Variants in ITIH1 observed in about 807,000 individuals in gnomAD.
ITIH1 encodes the protein inter-alpha-trypsin inhibitor heavy chain H1.
In ITIH1, 94 loss-of-function variants were observed where a neutral mutation model predicts 104.6. The observed-to-expected ratio is 0.90, with a 90% CI of 0.76 to 1.07. The LOEUF (loss-of-function observed/expected upper bound fraction) is 1.07, where lower values mean the gene tolerates loss of function less well. Ranked by LOEUF, ITIH1 falls within the 50% of genes least tolerant of loss-of-function variation. The pLI is 0.00. For synonymous variants in ITIH1, 455 were observed against 464.4 expected, an observed-to-expected ratio of 0.98 and a Z score of 0.26; for missense variants, 1,193 against 1,181.4, an observed-to-expected ratio of 1.01 and a Z score of -0.14.
At chr3:52,788,109 C>A in intron 17 of ITIH1, 43 bp downstream of exon 17, 6 of 1,550,494 alleles carry the variant, frequency 3.9e-6, no homozygotes, top group African/African-American at 1.4e-5. Flanking sequence ...TGTTTGGGAC[C>A]CACCCTATCT....
rs1342846879 is a variant in ITIH1 at position 52,779,610 on chromosome 3, C to T, written c.573+16C>T. ...TCATTTTGAGGTAGATCACAGGTCC[C>T]GGGGCAGGGGTCCTGCCCCTCTCTC... is the stretch of plus-strand genomic sequence containing the variant. On this transcript the variant is annotated intron_variant, in intron 5 of 21. Coordinates refer to ENST00000273283, the MANE Select transcript of ITIH1 (RefSeq NM_002215.4). This position sits in a 1 kb window ranked among gnomAD's most constrained non-coding sequence, Gnocchi z 4.4. The T allele has an allele frequency of 2.0e-5, 33 of 1,613,872 alleles. No individual in the cohort carries two copies. Among genetic ancestry groups the T allele is most frequent in the Middle Eastern group, 1.7e-4 (1 of 6,046 alleles).
chr3:52,782,129 C>T (rs771662586), intron 7 of ITIH1, 22 bp from the exon 8 acceptor site: 3 of 1,614,150 alleles, frequency 1.9e-6, no homozygotes, highest in Admixed American at 1.7e-5. Context: ...AGAGTGGCCT[C>T]ACTCGTTCTC....
chr3:52,778,769 G>C (rs77833902), intron 3 of ITIH1, 173 bp from the exon 4 acceptor site: 45 of 1,185,248 alleles, frequency 3.8e-5, no homozygotes, highest in Middle Eastern at 2.9e-4. Context: ...CTTCTTGCTG[G>C]CCTCTGACCT....
At position 52,779,461 on chromosome 3, in the gene ITIH1, C is replaced by T. The variant is rs149261777; in HGVS notation, c.440C>T (p.Thr147Ile). Residue 147 changes from threonine (T) to isoleucine (I), a missense_variant, in exon 5 of 22, where the codon ACC becomes ATC. Thr to Ile is a moderately conservative substitution (Grantham distance 89, BLOSUM62 -1). Transcript: ENST00000273283. The surrounding 1 kb of genome is among the most constrained non-coding windows in gnomAD (Gnocchi z 4.4). ...TCGGGGAGAACTATGGAGCAATTCA[C>T]CATCCACCTCACCGTCAATCCCCAG... ...RASGRTMEQF[T>I]IHLTVNPQSK... 1.1e-5 allele frequency: 17 copies of T among 1,614,254 alleles called. No individual in the cohort carries two copies. In the African/African-American group the frequency reaches 2.3e-4, roughly 22 times the overall value.
rs1285243170 is a variant in ITIH1, at chr3:52,790,729, TC to T, written c.2322-19del. On this transcript the variant is annotated intron_variant, in intron 19 of 21. Transcript: ENST00000273283. ...ATGCAGTGCAGCCGCACCTGCCCTC[TC>T]GGCCACCTGGCTCTGCAGGGTGGTG... The T allele has an allele frequency of 3.7e-6, 6 of 1,605,254 alleles. No individual in the cohort carries two copies. The highest frequency in any genetic ancestry group is 5.1e-6 in the Non-Finnish European group (6 of 1,176,628).
intron 13 of ITIH1, 136 bp downstream of exon 13, chr3:52,786,570 T>C: frequency 1.1e-6 from 1 of 912,986 alleles, no homozygotes; most frequent in East Asian, 2.7e-5. Context: ...GCTCACTGAG[T>C]TAATATCAAC....
chr3:52,784,221 G>A (rs1445396131), intron 10 of ITIH1, 75 bp from the exon 11 acceptor site: 1 of 1,334,126 alleles, frequency 7.5e-7, no homozygotes, highest in East Asian at 2.5e-5. Flanking sequence ...CCCAGGGAGT[G>A]TTCCCCAGAG....
chr3:52,790,679 G>A lies in ITIH1; in HGVS notation c.2322-70G>A, dbSNP rs1699329759. The A allele has an allele frequency of 3.9e-6, 6 of 1,525,110 alleles. No homozygotes were observed. In the Admixed American group the frequency reaches 5.7e-5, roughly 15 times the overall value. 94.5% of individuals were successfully genotyped at this position (1,525,110 alleles called of 1,614,324 possible). On this transcript the variant is annotated intron_variant, in intron 19 of 21. Transcript: ENST00000273283. ...TGGTCATAAGGGTTGGGTCCCAGAT[G>A]ACAAGGGCAGCTGAATGGAGAGGGA... is the stretch of plus-strand genomic sequence containing the variant.
At position 52,786,435 on chromosome 3, in the gene ITIH1, G is replaced by T. The variant is rs375691575; in HGVS notation, c.1733+1G>T. On this transcript the variant is annotated splice_donor_variant, in intron 13 of 21. Transcript: ENST00000273283. LOFTEE classifies it high-confidence loss of function. ...CCATCCAGGAGCTGCTGGCCAAGCG[G>T]TAGGGCACCTGCAGCTGCCCCAGGT... The T allele has an allele frequency of 6.3e-7, 1 of 1,576,846 alleles. No homozygotes were observed. The highest frequency in any genetic ancestry group is 1.4e-5 in the African/African-American group (1 of 74,020).
intron 20 of ITIH1, among the ~76,000 whole-genome samples, chr3:52,791,171 CAGAG>C (rs889557155): frequency 6.6e-6 from 1 of 152,140 alleles, no homozygotes; most frequent in Non-Finnish European, 1.5e-5. Context: ...AAGAAAGGCC[CAGAG>C]GGTTCCCAGG....
rs753891212 is a variant in ITIH1 at position 52,779,394 on chromosome 3, CTCTG to C, written c.411-29_411-26del. On this transcript the variant is annotated intron_variant, in intron 4 of 21. Transcript: ENST00000273283. This position sits in a 1 kb window ranked among gnomAD's most constrained non-coding sequence, Gnocchi z 4.4. The stretch of plus-strand genomic sequence containing the variant: ...GACAAGGACCCAAATGTCATTTACC[CTCTG>C]TCTGTCTGCTGTTGCCTCTGGTGGC... The C allele has an allele frequency of 2.5e-6, 4 of 1,610,518 alleles. No homozygotes were observed. Among genetic ancestry groups the C allele is most frequent in the Middle Eastern group, 1.6e-4 (1 of 6,076 alleles).
At chr3:52,778,040 G>T (rs369117462) in intron 2 of ITIH1, 23 bp downstream of exon 2, 2 of 1,613,862 alleles carry the variant, frequency 1.2e-6, no homozygotes, top group African/African-American at 2.7e-5. Context: ...CCTGGCAAAG[G>T]GGTCTGTGAC....
chr3:52,781,303 GCTTCTT>G (rs1170487139), intron 6 of ITIH1, among the ~76,000 whole-genome samples: 3 of 54,886 alleles, frequency 5.5e-5, no homozygotes, highest in African/African-American at 1.2e-4. Flanking sequence ...TTCTTCTTCT[GCTTCTT>G]CTTCTCCTTC....
In ITIH1 at chr3:52,784,335, A is replaced by G; in HGVS notation, c.1265A>G (p.Asn422Ser). 1 of 1,614,098 alleles carries G rather than the reference A, an allele frequency of 6.2e-7. No individual in the cohort carries two copies. The highest frequency in any genetic ancestry group is 1.7e-5 in the Admixed American group (1 of 60,016). The change falls in exon 11 of 22, where the codon AAC becomes AGC. Residue 422 changes from asparagine to serine, a missense_variant. Coordinates refer to ENST00000273283, the MANE Select transcript of ITIH1 (RefSeq NM_002215.4). The part of the protein sequence containing the change: ...DRSQILKNVR[N>S]AIRGRFPLYN... Reference sequence around the variant, plus strand: ...TCCCAAATCCTCAAGAACGTCCGCAACGCCATCCGGGGCAGGTTCCCGCTC... The same window carrying G: ...TCCCAAATCCTCAAGAACGTCCGCAGCGCCATCCGGGGCAGGTTCCCGCTC...
intron 13 of ITIH1, 34 bp from the exon 14 acceptor site, chr3:52,786,911 C>T (rs953138405): frequency 1.6e-5 from 26 of 1,578,970 alleles, no homozygotes; most frequent in Middle Eastern, 1.7e-4. Flanking sequence ...CCGTGCAAGT[C>T]GGGGCTTGGA....
chr3:52,779,275 C>A lies in ITIH1; in HGVS notation c.411-157C>A, dbSNP rs544601086. The stretch of plus-strand genomic sequence containing the variant: ...GGCCCCCGCCATCTTGGGCCCTGAC[C>A]CTGACCAGCCAGCTAACACATTTGT... On this transcript the variant is annotated intron_variant, in intron 4 of 21. Coordinates refer to ENST00000273283, the MANE Select transcript of ITIH1 (RefSeq NM_002215.4). The surrounding 1 kb of genome is among the most constrained non-coding windows in gnomAD (Gnocchi z 4.4). Among the ~76,000 whole-genome samples the A allele has an allele frequency of 8.9e-4, 135 of 152,340 alleles. No homozygotes were observed. The highest frequency in any genetic ancestry group is 1.6e-3 in the Non-Finnish European group (107 of 68,038).
At position 52,784,239 on chromosome 3, in the gene ITIH1, GT is replaced by G. The variant is rs1340872505; in HGVS notation, c.1226-56del. Reference sequence around the variant, plus strand: ...AGGGAGTGTTCCCCAGAGCCCCCTCGTGCCCCACATGCCTGTGGGCCAGCAT... The same window carrying G: ...AGGGAGTGTTCCCCAGAGCCCCCTCGGCCCCACATGCCTGTGGGCCAGCAT... On this transcript the variant is annotated intron_variant, in intron 10 of 21. Coordinates refer to ENST00000273283, the MANE Select transcript of ITIH1 (RefSeq NM_002215.4). 3 of 1,469,876 alleles carry G rather than the reference GT, an allele frequency of 2.0e-6. No individual in the cohort carries two copies. In the East Asian group the frequency reaches 7.1e-5, roughly 35 times the overall value. The allele number at this position is 1,469,876 out of a possible 1,614,324, so 91.1% of individuals were successfully genotyped here. A position where few individuals can be genotyped will look rare whatever the true frequency, so the allele number is the denominator to read the frequency against.
rs1366813361 is a variant in ITIH1 at position 52,778,502 on chromosome 3, G to GCC, written c.302_303dup (p.Val102ProfsTer13). 2.5e-6 allele frequency: 4 copies of GCC among 1,614,214 alleles called. No individual in the cohort carries two copies. The East Asian group carries it at 8.9e-5, about 36-fold the overall frequency. ...CAAGACAGCATTCATCAGTGACTTT[G>GCC]CCGTGTGCGTGCCTGCCCAACTCCC... On this transcript the variant is annotated frameshift_variant, in exon 3 of 22. Coordinates refer to ENST00000273283, the MANE Select transcript of ITIH1 (RefSeq NM_002215.4). LOFTEE classifies it high-confidence loss of function.
At chr3:52,782,340 G>T in intron 8 of ITIH1, 73 bp downstream of exon 8, 2 of 1,194,170 alleles carry the variant, frequency 1.7e-6, no homozygotes, top group Non-Finnish European at 2.5e-6. Context: ...TGCCAGTTTT[G>T]CTGCCAGAGT....
Sources: allele counts gnomAD v4.1 joint callset (sites outside exome capture counted in the v4.1 genomes callset), GRCh38; gene constraint gnomAD v4.1.1; non-coding constraint Gnocchi (gnomAD v3.1); transcripts MANE v1.5; gene names NCBI Gene and HGNC (gene_info 2026-07-23, HGNC 2026-07-21).